Variants in CACNA2D3 observed in about 807,000 individuals in gnomAD.
CACNA2D3 encodes the protein calcium voltage-gated channel auxiliary subunit alpha2delta 3.
In CACNA2D3, 60 loss-of-function variants were observed where a neutral mutation model predicts 160.6. That is an observed-to-expected ratio of 0.37 (90% CI 0.30 to 0.46). CACNA2D3 has a LOEUF of 0.46. Among genes scored for constraint, CACNA2D3 ranks in the 20% least tolerant of loss-of-function variants. CACNA2D3 has a pLI of 1.00. For synonymous variants in CACNA2D3, 558 were observed against 492.9 expected, an observed-to-expected ratio of 1.13 and a Z score of -1.75; for missense variants, 1,205 against 1,365.0, an observed-to-expected ratio of 0.88 and a Z score of 1.85.
intron 27 of CACNA2D3, among the ~76,000 whole-genome samples, chr3:54,908,203 T>A (rs888451801): frequency 5.9e-5 from 9 of 152,214 alleles, no homozygotes; most frequent in Non-Finnish European, 8.8e-5. Flanking sequence ...TTTTTCTACA[T>A]CCTTTCTAAT....
At position 54,492,584 on chromosome 3, in the gene CACNA2D3, A is replaced by G. The variant is rs536072040; in HGVS notation, c.382-10908A>G. 8.5e-5 allele frequency among the ~76,000 whole-genome samples: 13 copies of G among 152,358 alleles called. No individual in the cohort carries two copies. In the East Asian group the frequency reaches 2.5e-3, roughly 29 times the overall value. The stretch of plus-strand genomic sequence containing the variant: ...AGGTCTTGTGAGAGGCCTGTGGATC[A>G]AATGGATTTTGACACTTTCATTTGG... On this transcript the variant is annotated intron_variant, in intron 4 of 37. Transcript: ENST00000474759.
At chr3:54,553,277 A>T (rs1296473150) in intron 5 of CACNA2D3, among the ~76,000 whole-genome samples, 3 of 152,230 alleles carry the variant, frequency 2.0e-5, no homozygotes, top group Non-Finnish European at 4.4e-5. Flanking sequence ...TCATTATTTA[A>T]TCTATGATCT....
intron 9 of CACNA2D3, among the ~76,000 whole-genome samples, chr3:54,618,720 C>T (rs1484495861): frequency 2.0e-5 from 3 of 152,112 alleles, no homozygotes; most frequent in Non-Finnish European, 2.9e-5. Flanking sequence ...TCCCCCAATC[C>T]TGGGCCATAG....
At chr3:54,477,963 C>T (rs901949469) in intron 4 of CACNA2D3, among the ~76,000 whole-genome samples, 11 of 152,166 alleles carry the variant, frequency 7.2e-5, no homozygotes, top group Admixed American at 1.3e-4. Context: ...CTCTGACAAC[C>T]TCAGGAGGAA....
intron 11 of CACNA2D3, among the ~76,000 whole-genome samples, chr3:54,674,950 A>G (rs1395740451): frequency 6.6e-6 from 1 of 152,172 alleles, no homozygotes; most frequent in Non-Finnish European, 1.5e-5. Context: ...AATATCACTA[A>G]GAATGACAAC....
At chr3:54,679,159 T>C (rs1385408573) in intron 11 of CACNA2D3, among the ~76,000 whole-genome samples, 1 of 152,190 alleles carries the variant, frequency 6.6e-6, no homozygotes, top group African/African-American at 2.4e-5. Flanking sequence ...TTGGTCCTTT[T>C]CCTTAGCCTC....
intron 11 of CACNA2D3, among the ~76,000 whole-genome samples, chr3:54,651,273 CAGAG>C (rs1699759046): frequency 6.6e-6 from 1 of 152,054 alleles, no homozygotes; most frequent in Non-Finnish European, 1.5e-5. Flanking sequence ...GGGCTACAGT[CAGAG>C]AGCAGGAGAA....
intron 4 of CACNA2D3, among the ~76,000 whole-genome samples, chr3:54,400,770 G>C (rs1699445573): frequency 6.6e-6 from 1 of 152,186 alleles, no homozygotes; most frequent in Admixed American, 6.5e-5. Context: ...AAGCCAGTCT[G>C]TAAAGTTTGG....
chr3:54,875,840 C>G (rs1360563248), intron 18 of CACNA2D3: 1 of 152,210 alleles, frequency 6.6e-6, no homozygotes, highest in Non-Finnish European at 1.5e-5. Context: ...TGAGTATTTT[C>G]AGCTTGAGGA....
intron 9 of CACNA2D3, among the ~76,000 whole-genome samples, chr3:54,584,609 G>A (rs1317804849): frequency 1.3e-5 from 2 of 152,076 alleles, no homozygotes; most frequent in African/African-American, 2.4e-5. Flanking sequence ...GGACTGAAGA[G>A]GTATTTAAAG....
chr3:54,815,366 C>G (rs148765952), intron 13 of CACNA2D3, among the ~76,000 whole-genome samples: 1 of 152,132 alleles, frequency 6.6e-6, no homozygotes, highest in African/African-American at 2.4e-5. Context: ...CTTGTTTGTT[C>G]GGTTCTACTC....
chr3:54,349,527 G>A (rs544420619), intron 3 of CACNA2D3, among the ~76,000 whole-genome samples: 1 of 152,152 alleles, frequency 6.6e-6, no homozygotes, highest in East Asian at 1.9e-4. Flanking sequence ...TTATCTTTTC[G>A]GAGCATTGCT....
chr3:54,953,236 A>G (rs972182257), intron 27 of CACNA2D3, among the ~76,000 whole-genome samples: 1 of 152,172 alleles, frequency 6.6e-6, no homozygotes. Context: ...TCCTGTTCCC[A>G]TTGTGCAAAT....
At chr3:54,400,292 A>T (rs1699429653) in intron 4 of CACNA2D3, among the ~76,000 whole-genome samples, 1 of 151,618 alleles carries the variant, frequency 6.6e-6, no homozygotes, top group Admixed American at 6.6e-5. Flanking sequence ...TGTAGACCGG[A>T]GCTGTTCCTA....
chr3:54,531,977 C>T (rs757824889), intron 5 of CACNA2D3, among the ~76,000 whole-genome samples: 6 of 152,182 alleles, frequency 3.9e-5, no homozygotes, highest in Non-Finnish European at 7.3e-5. Flanking sequence ...CGGTGTCTTG[C>T]CTCTCCGCGA....
At chr3:54,826,389 A>G (rs913512847) in intron 14 of CACNA2D3, among the ~76,000 whole-genome samples, 1 of 152,222 alleles carries the variant, frequency 6.6e-6, no homozygotes, top group African/African-American at 2.4e-5. Context: ...CAAAAACAAA[A>G]TGTTAGATGT....
chr3:54,478,660 G>GTGTATGTATATATATATA, intron 4 of CACNA2D3, among the ~76,000 whole-genome samples: 2 of 36,374 alleles, frequency 5.5e-5, no homozygotes, highest in African/African-American at 1.4e-4. Flanking sequence ...ATATGTGTGT[G>GTGTATGTATATATATATA]TATATATATA....
intron 9 of CACNA2D3, among the ~76,000 whole-genome samples, chr3:54,618,375 G>GCACATGCACACA (rs1698906658): frequency 8.7e-6 from 1 of 115,514 alleles, no homozygotes; most frequent in Non-Finnish European, 1.7e-5. Flanking sequence ...ATATATATAT[G>GCACATGCACACA]CACACACACA....
intron 2 of CACNA2D3, among the ~76,000 whole-genome samples, chr3:54,129,524 T>C (rs567693204): frequency 7.2e-5 from 11 of 152,338 alleles, no homozygotes; most frequent in Admixed American, 2.0e-4. Flanking sequence ...AACCAAACTA[T>C]TGGCGCACAT....
Sources: allele counts gnomAD v4.1 joint callset (sites outside exome capture counted in the v4.1 genomes callset), GRCh38; gene constraint gnomAD v4.1.1; transcripts MANE v1.5; gene names NCBI Gene and HGNC (gene_info 2026-07-23, HGNC 2026-07-21).